The following LRP1B variants were observed in gnomAD, a reference collection of about 807,000 sequenced individuals.
The protein encoded by LRP1B is low-density lipoprotein receptor-related protein 1B.
In LRP1B, 217 loss-of-function variants were observed where a neutral mutation model predicts 556.6. That is an observed-to-expected ratio of 0.39 (90% CI 0.35 to 0.44). The LOEUF (loss-of-function observed/expected upper bound fraction) is 0.44. Among genes scored for constraint, LRP1B ranks in the 20% least tolerant of loss-of-function variants. The pLI is 1.00. For synonymous variants in LRP1B, 2,047 were observed against 1,865.8 expected (o/e 1.10, Z -2.50); for missense variants, 5,053 against 5,620.8 (o/e 0.90, Z 3.23).
At chr2:141,534,499 CTT>C in intron 2 of LRP1B, among the ~76,000 whole-genome samples, 1 of 152,230 alleles carries the variant, frequency 6.6e-6, no homozygotes, top group East Asian at 1.9e-4. Context: ...TTAAATCTCT[CTT>C]GTCGTGAGTG....
Position 141,758,198 on chromosome 2 carries a change from T to C in LRP1B, c.205+52081A>G, listed in dbSNP as rs963157. 6.7e-3 allele frequency among the ~76,000 whole-genome samples: 1,020 copies of C among 152,282 alleles called. 14 individuals are homozygous for C. Among genetic ancestry groups the C allele is most frequent in the African/African-American group, 0.024 (979 of 41,550 alleles). On this transcript the variant is annotated intron_variant, in intron 2 of 90. Coordinates refer to ENST00000389484, the MANE Select transcript of LRP1B (RefSeq NM_018557.3). ...TCTCTTCCCCCCACTCCAAATATCA[T>C]AGGAGTATTAAATTTGTAACAACTT...
intron 3 of LRP1B, among the ~76,000 whole-genome samples, chr2:141,456,617 T>G (rs1463148109): frequency 6.6e-6 from 1 of 152,198 alleles, no homozygotes. Flanking sequence ...AGTGAGTGAA[T>G]GTAATGCTGC....
At chr2:140,360,036 CAG>C (rs1417404725) in intron 72 of LRP1B, among the ~76,000 whole-genome samples, 1 of 151,552 alleles carries the variant, frequency 6.6e-6, no homozygotes, top group Non-Finnish European at 1.5e-5. Flanking sequence ...TGATCTTTTA[CAG>C]AGAGATATCC....
At chr2:140,921,282 T>C (rs936366479) in intron 21 of LRP1B, among the ~76,000 whole-genome samples, 1 of 152,012 alleles carries the variant, frequency 6.6e-6, no homozygotes, top group Non-Finnish European at 1.5e-5. Flanking sequence ...ATTCAAGTAA[T>C]TGAAACTCAG....
chr2:140,359,022 T>C (rs949661052), intron 72 of LRP1B, 76 bp from the exon 73 acceptor site: 7 of 1,430,886 alleles, frequency 4.9e-6, no homozygotes, highest in African/African-American at 1.4e-5. Context: ...CCTTTTTCTT[T>C]TATTCTTTTC....
chr2:140,429,060 G>T (rs1685795915), intron 66 of LRP1B, among the ~76,000 whole-genome samples: 1 of 151,826 alleles, frequency 6.6e-6, no homozygotes, highest in South Asian at 2.1e-4. Flanking sequence ...TCCCTCCTTG[G>T]CAACGGATCA....
chr2:141,893,187 T>A (rs778560933), intron 1 of LRP1B, among the ~76,000 whole-genome samples: 8 of 152,152 alleles, frequency 5.3e-5, no homozygotes, highest in Non-Finnish European at 1.2e-4. Context: ...TGCAACTCAC[T>A]AGGGTGTCAG....
intron 3 of LRP1B, among the ~76,000 whole-genome samples, chr2:141,356,081 T>G (rs1688617948): frequency 6.6e-6 from 1 of 152,186 alleles, no homozygotes; most frequent in East Asian, 1.9e-4. Context: ...TCATTAGGTA[T>G]ACCCACCTCA....
In LRP1B at chr2:140,903,010, G is replaced by A. The variant is rs1200776231; in HGVS notation, c.3676C>T (p.Gln1226Ter). 1 of 1,613,630 alleles carries A rather than the reference G, an allele frequency of 6.2e-7. No individual in the cohort carries two copies. Among genetic ancestry groups the A allele is most frequent in the South Asian group, 1.1e-5 (1 of 91,070 alleles). ...DYCSNHLKCS[Q>*]VCEQHKHTVK... ...GTGTGCTTGTGCTGCTCACATACTTGGCTGCACTTTAGATGATTGCTACAA... is the reference window on the plus strand; with the variant it reads ...GTGTGCTTGTGCTGCTCACATACTTAGCTGCACTTTAGATGATTGCTACAA... Residue 1226 changes from glutamine (Q) to a stop codon, truncating the protein, a stop_gained, in exon 23 of 91, where the codon CAA (glutamine) becomes TAA (stop). Transcript: ENST00000389484. LOFTEE classifies it high-confidence loss of function.
At chr2:141,185,549 ATCTAAAATT>A (rs1445261238) in intron 7 of LRP1B, among the ~76,000 whole-genome samples, 1 of 151,976 alleles carries the variant, frequency 6.6e-6, no homozygotes, top group Non-Finnish European at 1.5e-5. Flanking sequence ...ACATCTAAAA[ATCTAAAATT>A]AAAAACAAGG....
intron 2 of LRP1B, among the ~76,000 whole-genome samples, chr2:141,634,499 T>C (rs1419053216): frequency 6.6e-6 from 1 of 152,004 alleles, no homozygotes; most frequent in Non-Finnish European, 1.5e-5. Context: ...TTTACCAAAG[T>C]AGCCTGTGGC....
At chr2:141,579,423 A>G (rs975221256) in intron 2 of LRP1B, among the ~76,000 whole-genome samples, 4 of 151,758 alleles carry the variant, frequency 2.6e-5, no homozygotes, top group Non-Finnish European at 4.4e-5. Context: ...TCCAGCCTCT[A>G]TTTTTTTTGA....
intron 3 of LRP1B, among the ~76,000 whole-genome samples, chr2:141,294,122 A>G (rs941004364): frequency 2.0e-5 from 3 of 152,168 alleles, no homozygotes; most frequent in Admixed American, 1.3e-4. Context: ...ACCAAGGAAG[A>G]CACTAGAAAT....
intron 66 of LRP1B, among the ~76,000 whole-genome samples, chr2:140,415,161 G>T (rs190202821): frequency 2.6e-5 from 4 of 152,132 alleles, no homozygotes; most frequent in Non-Finnish European, 5.9e-5. Flanking sequence ...TTCTCTGCTC[G>T]TGAAGGCTGT....
chr2:141,901,618 A>T (rs1054984892), intron 1 of LRP1B, among the ~76,000 whole-genome samples: 5 of 151,910 alleles, frequency 3.3e-5, no homozygotes, highest in Non-Finnish European at 5.9e-5. Flanking sequence ...ATCTGATCAG[A>T]TGAAGTCTCA....
chr2:141,890,395 A>ATTGTG (rs1558942981), intron 1 of LRP1B, among the ~76,000 whole-genome samples: 13 of 122,518 alleles, frequency 1.1e-4, no homozygotes, highest in South Asian at 2.3e-4. Flanking sequence ...TATATAGTGT[A>ATTGTG]TATATATATA....
chr2:141,040,167 T>C (rs1047134685), intron 11 of LRP1B, among the ~76,000 whole-genome samples: 2 of 152,094 alleles, frequency 1.3e-5, no homozygotes, highest in Admixed American at 1.3e-4. Flanking sequence ...GGTCAGAGTA[T>C]ATATCTTAGA....
At chr2:140,389,351 G>A (rs1162792883) in intron 66 of LRP1B, among the ~76,000 whole-genome samples, 1 of 151,914 alleles carries the variant, frequency 6.6e-6, no homozygotes, top group Non-Finnish European at 1.5e-5. Context: ...ACGTGGAGAA[G>A]TGAAATAAAA....
At chr2:140,428,592 C>T (rs1329322395) in intron 66 of LRP1B, among the ~76,000 whole-genome samples, 4 of 152,300 alleles carry the variant, frequency 2.6e-5, no homozygotes, top group Admixed American at 2.0e-4. Flanking sequence ...CAGATCTTCT[C>T]GGCTTAGTGG....
Sources: gnomAD v4.1 joint callset for allele counts (sites outside exome capture counted in the v4.1 genomes callset) on GRCh38, gnomAD v4.1.1 for gene constraint, MANE v1.5 for transcripts, NCBI Gene and HGNC (gene_info 2026-07-23, HGNC 2026-07-21) for gene names.